SLC35F4: variants seen among roughly 807,000 people sequenced by gnomAD.
The protein encoded by SLC35F4 is chromosome 14 open reading frame 36.
SLC35F4 carries 24 observed loss-of-function variants against 44.2 expected under a neutral mutation model. The ratio of observed to expected loss-of-function variants is 0.54; its 90% CI spans 0.39 to 0.76. The LOEUF is 0.76. Ranked by LOEUF, SLC35F4 falls within the 30% of genes least tolerant of loss-of-function variation. SLC35F4 has a pLI of 0.00. For synonymous variants in SLC35F4, 238 were observed against 223.6 expected (o/e 1.06, Z -0.57); for missense variants, 562 against 586.1 (o/e 0.96, Z 0.42).
intron 3 of SLC35F4, among the ~76,000 whole-genome samples, chr14:57,582,443 C>T (rs1371030604): frequency 8.5e-5 from 13 of 152,122 alleles, no homozygotes; most frequent in Admixed American, 6.5e-4. Context: ...CTCAGGTGAT[C>T]TGCTCACCTT....
chr14:57,626,891 G>T (rs1482795057), intron 1 of SLC35F4, among the ~76,000 whole-genome samples: 1 of 152,016 alleles, frequency 6.6e-6, no homozygotes, highest in Non-Finnish European at 1.5e-5. Flanking sequence ...TTTCTAAAGA[G>T]GTGTGTAGAG....
chr14:57,884,544 T>C (rs775980881), intron 1 of SLC35F4, among the ~76,000 whole-genome samples: 1 of 152,114 alleles, frequency 6.6e-6, no homozygotes, highest in Non-Finnish European at 1.5e-5. Flanking sequence ...TTAAAATACA[T>C]AACAAAAGAA....
chr14:57,822,405 T>C (rs1883265782), intron 1 of SLC35F4, among the ~76,000 whole-genome samples: 1 of 152,158 alleles, frequency 6.6e-6, no homozygotes, highest in South Asian at 2.1e-4. Context: ...CAGCAGTGAT[T>C]ACACTGCAGG....
chr14:57,600,356 A>C (rs981873968), intron 1 of SLC35F4, among the ~76,000 whole-genome samples: 9 of 152,246 alleles, frequency 5.9e-5, no homozygotes, highest in Admixed American at 4.6e-4. Flanking sequence ...GTTGGTAGCC[A>C]TAATTATTAA....
chr14:57,669,732 T>C (rs145831878), intron 1 of SLC35F4, among the ~76,000 whole-genome samples: 67,760 of 151,636 alleles, frequency 0.45, 15,493 homozygotes, highest in African/African-American at 0.53. Context: ...ATTCGGTTTG[T>C]CAGTATTTTA....
intron 1 of SLC35F4, among the ~76,000 whole-genome samples, chr14:57,948,092 A>G (rs1353599707): frequency 1.3e-5 from 2 of 152,114 alleles, no homozygotes. Flanking sequence ...ATCTTTTGGA[A>G]TAGTTTCAGC....
intron 1 of SLC35F4, among the ~76,000 whole-genome samples, chr14:57,981,372 G>A (rs1212927948): frequency 1.3e-5 from 2 of 152,172 alleles, no homozygotes; most frequent in Admixed American, 1.3e-4. Context: ...GTGCTTGGGT[G>A]CTTATTGATA....
At chr14:57,869,030 G>GT (rs1226537547), upstream of SLC35F4, among the ~76,000 whole-genome samples, 1 of 152,040 alleles carries the variant, frequency 6.6e-6, no homozygotes, top group Non-Finnish European at 1.5e-5. Flanking sequence ...AACAAAATTT[G>GT]TTTTTTGTGC....
chr14:57,928,305 C>G (rs1022429580), intron 1 of SLC35F4, among the ~76,000 whole-genome samples: 1 of 152,170 alleles, frequency 6.6e-6, no homozygotes, highest in South Asian at 2.1e-4. Context: ...CTATCCCTGC[C>G]AGGTACTAAG....
At chr14:57,955,216 G>A (rs1012962834) in intron 1 of SLC35F4, among the ~76,000 whole-genome samples, 13 of 152,124 alleles carry the variant, frequency 8.5e-5, no homozygotes, top group African/African-American at 3.1e-4. Flanking sequence ...AGTAGATGCA[G>A]AAAAGGTCTT....
At chr14:57,808,459 C>T (rs993632359) in intron 1 of SLC35F4, among the ~76,000 whole-genome samples, 4 of 151,784 alleles carry the variant, frequency 2.6e-5, no homozygotes, top group African/African-American at 9.7e-5. Context: ...AAACTCACAC[C>T]TGGAAATTCT....
At chr14:57,949,101 A>T (rs1399216105) in intron 1 of SLC35F4, among the ~76,000 whole-genome samples, 1 of 152,102 alleles carries the variant, frequency 6.6e-6, no homozygotes, top group Non-Finnish European at 1.5e-5. Flanking sequence ...TGTCTTGATT[A>T]TCTGTCTAGT....
chr14:57,962,038 C>T (rs1424706038), intron 1 of SLC35F4, among the ~76,000 whole-genome samples: 2 of 152,190 alleles, frequency 1.3e-5, no homozygotes, highest in African/African-American at 4.8e-5. Flanking sequence ...AATGGATCGG[C>T]CAATAATAAA....
At chr14:57,746,179 C>T (rs948216788) in intron 1 of SLC35F4, among the ~76,000 whole-genome samples, 31 of 152,008 alleles carry the variant, frequency 2.0e-4, no homozygotes, top group African/African-American at 6.0e-4. Flanking sequence ...CACATGTATA[C>T]ATATGTAACA....
intron 1 of SLC35F4, among the ~76,000 whole-genome samples, chr14:57,812,540 T>TAAAGGAGC (rs959498055): frequency 4.6e-5 from 7 of 151,894 alleles, no homozygotes; most frequent in Admixed American, 3.3e-4. Flanking sequence ...AGGAGAGGAG[T>TAAAGGAGC]AAAGGAGCTG....
chr14:57,759,701 T>C (rs958096136), intron 1 of SLC35F4, among the ~76,000 whole-genome samples: 4 of 152,204 alleles, frequency 2.6e-5, no homozygotes, highest in Non-Finnish European at 4.4e-5. Flanking sequence ...ACACTTATCT[T>C]TTGTTTCGGT....
intron 1 of SLC35F4, among the ~76,000 whole-genome samples, chr14:57,722,837 G>T (rs1176268603): frequency 1.3e-5 from 2 of 152,090 alleles, no homozygotes; most frequent in Admixed American, 6.6e-5. Context: ...TACAAACAGA[G>T]AATCATGGAC....
At chr14:57,889,271 T>C (rs1019403478) in intron 1 of SLC35F4, among the ~76,000 whole-genome samples, 1 of 152,242 alleles carries the variant, frequency 6.6e-6, no homozygotes, top group African/African-American at 2.4e-5. Context: ...CAGGTCAGGC[T>C]CAGCTTCCTA....
At chr14:57,771,004 A>G (rs2077350264) in intron 1 of SLC35F4, among the ~76,000 whole-genome samples, 1 of 152,204 alleles carries the variant, frequency 6.6e-6, no homozygotes, top group Non-Finnish European at 1.5e-5. Flanking sequence ...GTAAATTTCA[A>G]ATCAAGCCTT....
Sources: gnomAD v4.1 joint callset for allele counts (sites outside exome capture counted in the v4.1 genomes callset) on GRCh38, gnomAD v4.1.1 for gene constraint, MANE v1.5 for transcripts, NCBI Gene and HGNC (gene_info 2026-07-23, HGNC 2026-07-21) for gene names.